Variants in DZIP3 observed in about 807,000 individuals in gnomAD.
The protein encoded by DZIP3 is DAZ interacting zinc finger protein 3.
DZIP3 carries 118 observed loss-of-function variants against 162.0 expected under a neutral mutation model. That is an observed-to-expected ratio of 0.73 (90% CI 0.63 to 0.85). The LOEUF is 0.85. DZIP3 is among the 40% of genes least tolerant of loss of function. DZIP3 has a pLI of 0.00. For missense variants in DZIP3, 1,331 were observed against 1,407.0 expected, an observed-to-expected ratio of 0.95 and a Z score of 0.86; for synonymous variants, 438 against 458.6, an observed-to-expected ratio of 0.96 and a Z score of 0.57.
At position 108,654,269 on chromosome 3, in the gene DZIP3, T is replaced by C; in HGVS notation, c.2158T>C (p.Tyr720His). The C allele has an allele frequency of 1.9e-6, 3 of 1,613,798 alleles. No homozygotes were observed. The highest frequency in any genetic ancestry group is 1.3e-5 in the African/African-American group (1 of 75,032). The change falls in exon 19 of 33, where the codon TAT (tyrosine) becomes CAT (histidine). Residue 720 changes from tyrosine (Y) to histidine (H), a missense_variant. Physicochemically the swap from Tyr to His is moderately conservative, Grantham distance 83. Around this residue, in one of 2 missense-constraint regions of DZIP3, gnomAD observed 1,278 missense variants for 1,317.1 expected, o/e 0.97. Coordinates refer to ENST00000361582, the MANE Select transcript of DZIP3 (RefSeq NM_014648.4). ...QEDSAMEDKF[Y>H]SLDELHILDM... ...GGATTCTGCAATGGAAGACAAGTTC[T>C]ATAGCCTGGATGAATTGCATATTCT...
intron 1 of DZIP3, among the ~76,000 whole-genome samples, chr3:108,594,816 T>A (rs1939624336): frequency 6.6e-6 from 1 of 152,216 alleles, no homozygotes; most frequent in Admixed American, 6.5e-5. Context: ...TAAATAAAAA[T>A]CATTTATTTT....
At chr3:108,612,407 G>A (rs1360103358) in intron 4 of DZIP3, among the ~76,000 whole-genome samples, 1 of 152,086 alleles carries the variant, frequency 6.6e-6, no homozygotes. Flanking sequence ...GCTAGAAATT[G>A]ATAGAATAAT....
chr3:108,624,340 T>G, intron 5 of DZIP3, 104 bp from the exon 6 acceptor site: 1 of 630,998 alleles, frequency 1.6e-6, no homozygotes, highest in East Asian at 3.2e-5. Flanking sequence ...TAATTTTTAC[T>G]TGTTTTAATA....
At position 108,600,900 on chromosome 3, in the gene DZIP3, A is replaced by C. The variant is rs111611457; in HGVS notation, c.-72-4435A>C. On this transcript the variant is annotated intron_variant, in intron 1 of 32. Coordinates refer to ENST00000361582, the MANE Select transcript of DZIP3 (RefSeq NM_014648.4). ...GCTTTGACACACACTCTGCTTTGAC[A>C]CTCACTAGCTAGCTGTGTGATTTTA... Among the ~76,000 whole-genome samples, 1,040 of 152,222 alleles carry C rather than the reference A, an allele frequency of 6.8e-3. 5 individuals carry two copies. The highest frequency in any genetic ancestry group is 0.024 in the African/African-American group (981 of 41,526).
At chr3:108,593,682 T>C (rs1379568258) in intron 1 of DZIP3, among the ~76,000 whole-genome samples, 1 of 150,866 alleles carries the variant, frequency 6.6e-6, no homozygotes, top group African/African-American at 2.4e-5. Context: ...CTTTCTTTTT[T>C]TTTTTTTTTT....
intron 7 of DZIP3, among the ~76,000 whole-genome samples, chr3:108,627,591 C>G (rs1941641851): frequency 6.6e-6 from 1 of 152,192 alleles, no homozygotes; most frequent in Non-Finnish European, 1.5e-5. Context: ...TTCAAGGAGT[C>G]TTCTCAGCAC....
intron 18 of DZIP3, 81 bp from the exon 19 acceptor site, chr3:108,654,064 A>G (rs1942996298): frequency 6.9e-7 from 1 of 1,459,210 alleles, no homozygotes. Context: ...AACCAGTACA[A>G]TACTAACTTT....
At chr3:108,655,003 CAT>C (rs1943043404) in intron 19 of DZIP3, among the ~76,000 whole-genome samples, 1 of 152,116 alleles carries the variant, frequency 6.6e-6, no homozygotes, top group African/African-American at 2.4e-5. Context: ...GTACAACATT[CAT>C]ATAATTGTCA....
At chr3:108,638,431 T>G (rs982043204) in intron 12 of DZIP3, among the ~76,000 whole-genome samples, 1 of 152,152 alleles carries the variant, frequency 6.6e-6, no homozygotes, top group Non-Finnish European at 1.5e-5. Context: ...TTCTCCTGCC[T>G]CAACCTCCCG....
chr3:108,622,836 G>GTCTCTCTCTCTC lies in DZIP3; in HGVS notation c.376-1574_376-1563dup, dbSNP rs368466391. The stretch of plus-strand genomic sequence containing the variant: ...TCTTCCTTTACCCCAAACAAACAGA[G>GTCTCTCTCTCTC]TCTCTCTCTCTCTCTCTCTCTCTCT... On this transcript the variant is annotated intron_variant, in intron 5 of 32. Coordinates refer to ENST00000361582, the MANE Select transcript of DZIP3 (RefSeq NM_014648.4). Among the ~76,000 whole-genome samples the GTCTCTCTCTCTC allele has an allele frequency of 2.5e-4, 16 of 62,838 alleles. 1 individual carries two copies. The highest frequency in any genetic ancestry group is 8.3e-4 in the African/African-American group (14 of 16,892). The allele number at this position is 62,838 out of a possible 152,430, so 41.2% of individuals were successfully genotyped here.
intron 14 of DZIP3, among the ~76,000 whole-genome samples, chr3:108,645,367 T>C (rs918083611): frequency 6.6e-6 from 1 of 152,240 alleles, no homozygotes; most frequent in African/African-American, 2.4e-5. Flanking sequence ...ATGTTTCTTC[T>C]ACTTTCTAGC....
intron 19 of DZIP3, 118 bp from the exon 20 acceptor site, chr3:108,661,759 G>A (rs1313102461): frequency 2.9e-6 from 2 of 679,370 alleles, no homozygotes; most frequent in Non-Finnish European, 2.5e-6. Context: ...TCTAAATTGA[G>A]TGTTTGACTT....
At chr3:108,652,602 G>C (rs1028628508) in intron 18 of DZIP3, among the ~76,000 whole-genome samples, 1 of 151,696 alleles carries the variant, frequency 6.6e-6, no homozygotes, top group Non-Finnish European at 1.5e-5. Context: ...ATTTAGTGTA[G>C]CCTGAGTTTG....
chr3:108,646,556 C>A, intron 14 of DZIP3, 61 bp from the exon 15 acceptor site: 1 of 1,176,146 alleles, frequency 8.5e-7, no homozygotes, highest in South Asian at 1.3e-5. Context: ...TTAATCCTAG[C>A]CAGACATTCA....
intron 5 of DZIP3, among the ~76,000 whole-genome samples, chr3:108,619,048 G>A (rs1162964621): frequency 1.4e-4 from 13 of 96,152 alleles, no homozygotes; most frequent in Non-Finnish European, 1.8e-4. Flanking sequence ...GTGACAGATT[G>A]AGACTCCATC....
intron 26 of DZIP3, among the ~76,000 whole-genome samples, chr3:108,679,971 C>G (rs1338323070): frequency 1.3e-5 from 2 of 151,964 alleles, no homozygotes; most frequent in African/African-American, 4.8e-5. Context: ...TTAAAAAGAT[C>G]ATGCAATGGT....
chr3:108,693,649 A>G lies in DZIP3; in HGVS notation c.*296A>G, dbSNP rs1475437199. The G allele has an allele frequency of 1.3e-5, 2 of 152,184 alleles. No homozygotes were observed. The highest frequency in any genetic ancestry group is 2.9e-5 in the Non-Finnish European group (2 of 68,022). 9.4% of individuals were successfully genotyped at this position (152,184 alleles called of 1,614,324 possible). On this transcript the variant is annotated 3_prime_UTR_variant, in exon 33 of 33. Coordinates refer to ENST00000361582, the MANE Select transcript of DZIP3 (RefSeq NM_014648.4). ...GTTCCCAGTGTCTTGCCCAGTAGAT[A>G]CAAGATAAATATTGCCAGAATCAGA...
rs373527489 is a variant in DZIP3, at chr3:108,669,629, T to C, written c.2424-52T>C. On this transcript the variant is annotated intron_variant, in intron 21 of 32. Transcript: ENST00000361582. ...TGTAGTTAGAGCTCTTCTGACTGTG[T>C]TAATGAGAAATAATTTCTAACATCT... The C allele has an allele frequency of 3.9e-6, 6 of 1,542,868 alleles. No individual in the cohort carries two copies. The East Asian group carries it at 1.4e-4, about 35-fold the overall frequency.
At chr3:108,631,559 T>G (rs575930406) in intron 8 of DZIP3, among the ~76,000 whole-genome samples, 12 of 145,266 alleles carry the variant, frequency 8.3e-5, no homozygotes, top group Non-Finnish European at 1.4e-4. Flanking sequence ...TAAAAAAAAT[T>G]ATTATTATTA....
Sources: allele counts gnomAD v4.1 joint callset (sites outside exome capture counted in the v4.1 genomes callset), GRCh38; gene constraint gnomAD v4.1.1; regional missense constraint gnomAD v4.1.1; transcripts MANE v1.5; gene names NCBI Gene and HGNC (gene_info 2026-07-23, HGNC 2026-07-21).